CSGALNACT1: variants seen among roughly 807,000 people sequenced by gnomAD.
The protein encoded by CSGALNACT1 is beta4GalNAcT-1.
CSGALNACT1 carries 52 observed loss-of-function variants against 51.0 expected under a neutral mutation model. That is an observed-to-expected ratio of 1.02 (90% CI 0.82 to 1.29). The LOEUF is 1.29. CSGALNACT1 is among the 50% of genes most tolerant of loss of function. The pLI, the probability that CSGALNACT1 is intolerant of heterozygous loss-of-function variation, is 0.00. For synonymous variants in CSGALNACT1, 341 were observed against 254.4 expected (o/e 1.34, Z -3.24); for missense variants, 935 against 679.2 (o/e 1.38, Z -4.19).
upstream of CSGALNACT1, among the ~76,000 whole-genome samples, chr8:19,686,227 C>G (rs1437762572): frequency 1.3e-5 from 2 of 152,142 alleles, no homozygotes; most frequent in African/African-American, 4.8e-5. Context: ...AATGGCCATG[C>G]AGGGGACACA....
chr8:19,666,869 GAAAGAAAGAA>G (rs1200570833), intron 1 of CSGALNACT1, among the ~76,000 whole-genome samples: 2 of 128,576 alleles, frequency 1.6e-5, no homozygotes, highest in African/African-American at 3.3e-5. Flanking sequence ...AAGAAAGAAA[GAAAGAAAGAA>G]AGAAAGAGAG....
intron 3 of CSGALNACT1, among the ~76,000 whole-genome samples, chr8:19,543,116 A>G (rs1044528506): frequency 6.6e-6 from 1 of 152,194 alleles, no homozygotes; most frequent in African/African-American, 2.4e-5. Context: ...TACTAGGCTC[A>G]CGGAGTTTTC....
At chr8:19,645,839 C>T (rs1022282402) in intron 1 of CSGALNACT1, among the ~76,000 whole-genome samples, 2 of 152,118 alleles carry the variant, frequency 1.3e-5, no homozygotes, top group Non-Finnish European at 2.9e-5. Flanking sequence ...TCCCCCAGGG[C>T]AGTGCTGGCC....
At chr8:19,558,307 G>T (rs571588231) in intron 3 of CSGALNACT1, among the ~76,000 whole-genome samples, 1 of 152,164 alleles carries the variant, frequency 6.6e-6, no homozygotes, top group Admixed American at 6.5e-5. Flanking sequence ...TGATTTGATT[G>T]CCAGTATCAT....
chr8:19,494,221 T>G (rs527424631), intron 4 of CSGALNACT1, among the ~76,000 whole-genome samples: 1 of 152,316 alleles, frequency 6.6e-6, no homozygotes, highest in African/African-American at 2.4e-5. Flanking sequence ...TGGTTACCTA[T>G]GGATCTCCAG....
intron 6 of CSGALNACT1, among the ~76,000 whole-genome samples, chr8:19,439,507 G>T (rs2060948828): frequency 1.3e-5 from 2 of 152,158 alleles, no homozygotes; most frequent in Admixed American, 1.3e-4. Flanking sequence ...ACATAAAGAA[G>T]TCCCCACATC....
intron 3 of CSGALNACT1, among the ~76,000 whole-genome samples, chr8:19,572,744 C>T (rs1329725697): frequency 1.3e-5 from 2 of 152,214 alleles, no homozygotes; most frequent in Non-Finnish European, 2.9e-5. Flanking sequence ...TTTCACAGCA[C>T]TATTAAATGT....
At chr8:19,518,682 G>A (rs1037434647) in intron 3 of CSGALNACT1, among the ~76,000 whole-genome samples, 1 of 152,082 alleles carries the variant, frequency 6.6e-6, no homozygotes, top group Admixed American at 6.5e-5. Context: ...ATGTGTGTCC[G>A]TGTCCTCAGT....
intron 8 of CSGALNACT1, among the ~76,000 whole-genome samples, chr8:19,418,443 G>T (rs1318417607): frequency 3.9e-5 from 6 of 152,210 alleles, no homozygotes; most frequent in African/African-American, 1.4e-4. Context: ...TCTCTGTAAA[G>T]TACTGCTTCC....
intron 8 of CSGALNACT1, among the ~76,000 whole-genome samples, chr8:19,414,504 A>G (rs1489768185): frequency 6.6e-6 from 1 of 152,218 alleles, no homozygotes; most frequent in African/African-American, 2.4e-5. Context: ...AAAAAATTTA[A>G]ATGTTAGTAT....
intron 2 of CSGALNACT1, among the ~76,000 whole-genome samples, chr8:19,599,478 A>AAG (rs1353972786): frequency 8.6e-5 from 8 of 92,832 alleles, no homozygotes; most frequent in African/African-American, 2.7e-4. Flanking sequence ...AAGAAAAAGA[A>AAG]AGAAAGAAAG....
chr8:19,559,730 C>A (rs2040280725), intron 3 of CSGALNACT1, among the ~76,000 whole-genome samples: 1 of 152,130 alleles, frequency 6.6e-6, no homozygotes, highest in South Asian at 2.1e-4. Context: ...AGCAATAAAT[C>A]TAACAAAAGA....
At chr8:19,605,698 T>C (rs1005697387), upstream of CSGALNACT1, among the ~76,000 whole-genome samples, 1 of 152,186 alleles carries the variant, frequency 6.6e-6, no homozygotes, top group African/African-American at 2.4e-5. Flanking sequence ...TGCAAGTTTT[T>C]CAGTTGGGAC....
chr8:19,581,302 G>A (rs2045513545), intron 3 of CSGALNACT1, among the ~76,000 whole-genome samples: 1 of 152,120 alleles, frequency 6.6e-6, no homozygotes. Context: ...GCATATTCAG[G>A]CCTGACTCAT....
At chr8:19,600,425 A>T (rs1300118589) in intron 2 of CSGALNACT1, among the ~76,000 whole-genome samples, 1 of 152,152 alleles carries the variant, frequency 6.6e-6, no homozygotes, top group Non-Finnish European at 1.5e-5. Flanking sequence ...TTCTGGCATT[A>T]TCTCAAGGTC....
chr8:19,521,138 C>T (rs561913484), intron 3 of CSGALNACT1, among the ~76,000 whole-genome samples: 1 of 152,214 alleles, frequency 6.6e-6, no homozygotes, highest in Admixed American at 6.5e-5. Context: ...GATGAAATTT[C>T]ATCCTATAGG....
intron 5 of CSGALNACT1, among the ~76,000 whole-genome samples, chr8:19,447,171 A>T (rs76331353): frequency 0.03 from 4,521 of 152,288 alleles, 102 homozygotes; most frequent in Non-Finnish European, 0.046. Context: ...GCAGCAAGGC[A>T]CAAAAGCCAG....
intron 1 of CSGALNACT1, among the ~76,000 whole-genome samples, chr8:19,650,848 G>A (rs2057739676): frequency 6.6e-6 from 1 of 152,140 alleles, no homozygotes; most frequent in Non-Finnish European, 1.5e-5. Context: ...AACTAAAGTG[G>A]CCTAAACCTG....
intron 1 of CSGALNACT1, among the ~76,000 whole-genome samples, chr8:19,732,863 C>G (rs2063766505): frequency 6.6e-6 from 1 of 152,160 alleles, no homozygotes; most frequent in African/African-American, 2.4e-5. Flanking sequence ...TCTAATTTAT[C>G]TATTTTGTAA....
Sources: allele counts gnomAD v4.1 joint callset (sites outside exome capture counted in the v4.1 genomes callset), GRCh38; gene constraint gnomAD v4.1.1; transcripts MANE v1.5; gene names NCBI Gene and HGNC (gene_info 2026-07-23, HGNC 2026-07-21).